CHD5: variants seen among roughly 807,000 people sequenced by gnomAD.
CHD5 encodes chromodomain helicase DNA binding protein 5.
Under a neutral mutation model 230.3 loss-of-function variants are expected in CHD5, and 69 were observed. The observed-to-expected ratio is 0.30, with a 90% CI of 0.25 to 0.37. CHD5 has a LOEUF of 0.37. CHD5 is among the 10% of genes least tolerant of loss of function. The pLI is 1.00. For synonymous variants in CHD5, 1,064 were observed against 1,065.9 expected (o/e 1.00, Z 0.03); for missense variants, 1,827 against 2,622.8 (o/e 0.70, Z 6.63).
chr1:6,124,115 G>A lies in CHD5; in HGVS notation c.4540-8C>T, dbSNP rs1571145533. 1 of 1,611,276 alleles carries A rather than the reference G, an allele frequency of 6.2e-7. No homozygotes were observed. Among genetic ancestry groups the A allele is most frequent in the Non-Finnish European group, 8.5e-7 (1 of 1,178,954 alleles). ...ATGCTCAAACTCCTGAACCTGGGGT[G>A]GTGGGAGGGAAGGTGGAAGGGAAAG... On this transcript the variant is annotated splice_polypyrimidine_tract_variant and splice_region_variant and intron_variant, in intron 30 of 41. Coordinates refer to ENST00000262450, the MANE Select transcript of CHD5 (RefSeq NM_015557.3).
chr1:6,180,244 T>G lies in CHD5; in HGVS notation c.-221A>C. On this transcript the variant is annotated 5_prime_UTR_variant, in exon 1 of 42. Coordinates refer to ENST00000262450, the MANE Select transcript of CHD5 (RefSeq NM_015557.3). ...CCTGCTCCCCGCAAAGCCCGGGCGC[T>G]CCTCCCACCGCGCCCCGCAGCCCGA... 1 of 142,564 alleles carries G rather than the reference T, an allele frequency of 7.0e-6. No individual in the cohort carries two copies. Among genetic ancestry groups the G allele is most frequent in the Non-Finnish European group, 1.4e-5 (1 of 71,594 alleles). The allele number at this position is 142,564 out of a possible 1,614,324, so 8.8% of individuals were successfully genotyped here.
intron 6 of CHD5, 59 bp from the exon 7 acceptor site, chr1:6,151,214 C>A: frequency 1.3e-6 from 2 of 1,541,536 alleles, no homozygotes; most frequent in South Asian, 1.3e-5. Context: ...CTTCGCTGGC[C>A]CAGGCAGTGT....
Position 6,144,153 on chromosome 1 carries a change from A to G in CHD5, c.1805T>C (p.Phe602Ser). 1.9e-6 allele frequency: 3 copies of G among 1,614,182 alleles called. No individual in the cohort carries two copies. The highest frequency in any genetic ancestry group is 1.7e-6 in the Non-Finnish European group (2 of 1,180,032). ...GTAGTGCACATCCCCCTTCTTGTCA[A>G]AGCTGCAACACGGTGAACAGATGTG... Reference protein sequence around the residue: ...MMIHRILNHSFDKKGDVHYLI... With the variant: ...MMIHRILNHSSDKKGDVHYLI... The change falls in exon 12 of 42, where the codon TTT (phenylalanine) becomes TCT (serine). Residue 602 changes from phenylalanine (F) to serine (S), a missense_variant and splice_region_variant. Phe to Ser is a radical substitution (Grantham distance 155). Around this residue, in one of 14 missense-constraint regions of CHD5, gnomAD observed 657 missense variants for 816.4 expected, o/e 0.80. Coordinates refer to ENST00000262450, the MANE Select transcript of CHD5 (RefSeq NM_015557.3).
rs190439319 is a variant in CHD5, at chr1:6,160,707, T to C, written c.208-1192A>G. Among the ~76,000 whole-genome samples, 435 of 152,350 alleles carry C rather than the reference T, an allele frequency of 2.9e-3. 4 individuals are homozygous for C. The highest frequency in any genetic ancestry group is 0.01 in the African/African-American group (417 of 41,588). On this transcript the variant is annotated intron_variant, in intron 2 of 41. Coordinates refer to ENST00000262450, the MANE Select transcript of CHD5 (RefSeq NM_015557.3). ...CCCACCTTCCCCCTCTCCCACCCCA[T>C]CCTGGCCGCTTCCTCTCCATATGAG...
At chr1:6,119,507 C>G (rs1486300504) in intron 33 of CHD5, among the ~76,000 whole-genome samples, 1 of 152,142 alleles carries the variant, frequency 6.6e-6, no homozygotes, top group African/African-American at 2.4e-5. Context: ...CAAATATGCA[C>G]CTGACAACCC....
chr1:6,110,546 G>C lies in CHD5; in HGVS notation c.5250-20C>G. The C allele has an allele frequency of 6.2e-7, 1 of 1,612,630 alleles. No homozygotes were observed. Among genetic ancestry groups the C allele is most frequent in the Non-Finnish European group, 8.5e-7 (1 of 1,179,684 alleles). On this transcript the variant is annotated intron_variant, in intron 36 of 41. Coordinates refer to ENST00000262450, the MANE Select transcript of CHD5 (RefSeq NM_015557.3). ...CCGTGCCTGGGTGGGGCACCATTAAGGGCAAACCTGGCCGTTAGAAGTGGT... is the reference window on the plus strand; with the variant it reads ...CCGTGCCTGGGTGGGGCACCATTAACGGCAAACCTGGCCGTTAGAAGTGGT...
intron 3 of CHD5, among the ~76,000 whole-genome samples, chr1:6,157,095 C>T (rs760718556): frequency 6.6e-6 from 1 of 152,216 alleles, no homozygotes; most frequent in South Asian, 2.1e-4. Flanking sequence ...TAGCACCCAA[C>T]CCACCCTTCT....
At chr1:6,108,663 A>AATGGAAGGATGGAAGG (rs1475637642) in intron 38 of CHD5, among the ~76,000 whole-genome samples, 1 of 103,996 alleles carries the variant, frequency 9.6e-6, no homozygotes, top group Non-Finnish European at 2.0e-5. Context: ...ATGGAGGGAT[A>AATGGAAGGATGGAAGG]ATGGAAGGAT....
At chr1:6,140,744 A>G (rs1182956035) in intron 15 of CHD5, among the ~76,000 whole-genome samples, 1 of 152,076 alleles carries the variant, frequency 6.6e-6, no homozygotes, top group East Asian at 1.9e-4. Context: ...CAATGCCTAT[A>G]ATCCCCATGC....
At chr1:6,173,483 G>A (rs1667371213) in intron 1 of CHD5, among the ~76,000 whole-genome samples, 1 of 152,048 alleles carries the variant, frequency 6.6e-6, no homozygotes, top group Non-Finnish European at 1.5e-5. Flanking sequence ...AGGTCAGGAG[G>A]AGGGAGCAAC....
chr1:6,107,233 GAGGGATGGAGGGATAATGA>G (rs1666196040), intron 38 of CHD5, among the ~76,000 whole-genome samples: 2 of 145,122 alleles, frequency 1.4e-5, no homozygotes, highest in African/African-American at 2.6e-5. Flanking sequence ...AGGGATGATG[GAGGGATGGAGGGATAATGA>G]AGGGATGATG....
intron 2 of CHD5, among the ~76,000 whole-genome samples, chr1:6,163,091 G>A (rs114547231): frequency 1.6e-3 from 249 of 152,302 alleles, no homozygotes; most frequent in Non-Finnish European, 2.9e-3. Context: ...GACAGGGCTC[G>A]CCCAGCGTCC....
intron 7 of CHD5, among the ~76,000 whole-genome samples, chr1:6,150,000 AATGGATGG>A (rs58706054): frequency 0.33 from 47,103 of 144,472 alleles, 9,106 homozygotes; most frequent in East Asian, 0.63. Flanking sequence ...TGGATGGACA[AATGGATGG>A]ATGGATGGAT....
chr1:6,128,783 G>T lies in CHD5; in HGVS notation c.3619+55C>A. 1 of 1,489,328 alleles carries T rather than the reference G, an allele frequency of 6.7e-7. No individual in the cohort carries two copies. Among genetic ancestry groups the T allele is most frequent in the Non-Finnish European group, 9.3e-7 (1 of 1,074,582 alleles). 92.3% of individuals were successfully genotyped at this position (1,489,328 alleles called of 1,614,324 possible). A position where few individuals can be genotyped will look rare whatever the true frequency, so the allele number is the denominator to read the frequency against. ...GGACCCAAGCAAGCCCTGGATGGGTGTCTCAGCCGGGCCACCCCAGTCCCC... is the reference window on the plus strand; with the variant it reads ...GGACCCAAGCAAGCCCTGGATGGGTTTCTCAGCCGGGCCACCCCAGTCCCC... On this transcript the variant is annotated intron_variant, in intron 23 of 41. Transcript: ENST00000262450. This position sits in a 1 kb window ranked among gnomAD's most constrained non-coding sequence, Gnocchi z 7.8.
rs1667021905 is a variant in CHD5, at chr1:6,152,476, T to C, written c.806A>G (p.Lys269Arg). 6.2e-7 allele frequency: 1 copy of C among 1,614,072 alleles called. No individual in the cohort carries two copies. Among genetic ancestry groups the C allele is most frequent in the East Asian group, 2.2e-5 (1 of 44,894 alleles). ...SKDGKKKGKG[K>R]KTAGLKFRFG... ...GCGGAACTTGAGCCCGGCCGTCTTTTTCCCTTTGCCCTTTTTCTTCCCATC... is the reference window on the plus strand; with the variant it reads ...GCGGAACTTGAGCCCGGCCGTCTTTCTCCCTTTGCCCTTTTTCTTCCCATC... The change falls in exon 6 of 42, where the codon AAA becomes AGA. Residue 269 changes from lysine (K) to arginine (R), a missense_variant. Lys to Arg is a conservative substitution (Grantham distance 26). Coordinates refer to ENST00000262450, the MANE Select transcript of CHD5 (RefSeq NM_015557.3).
intron 15 of CHD5, 82 bp from the exon 16 acceptor site, chr1:6,136,947 A>G: frequency 7.0e-7 from 1 of 1,429,052 alleles, no homozygotes; most frequent in Non-Finnish European, 9.4e-7. Flanking sequence ...GCCAAGAAGG[A>G]GGTGTGCACA....
In CHD5 at chr1:6,146,751, G is replaced by C; in HGVS notation, c.1504C>G (p.Pro502Ala). Residue 502 changes from proline to alanine, a missense_variant, in exon 10 of 42, where the codon CCC becomes GCC. Physicochemically the swap from Pro to Ala is conservative, Grantham distance 27 (BLOSUM62 -1). Around this residue, in one of 14 missense-constraint regions of CHD5, gnomAD observed 657 missense variants for 816.4 expected, o/e 0.80. Transcript: ENST00000262450. The surrounding 1 kb of genome is among the most constrained non-coding windows in gnomAD (Gnocchi z 5.1). ...TCTCTCTCAGGGATGCCCTCCAGGG[G>C]CTTAGGTGGAGGGAGGCTGGGCTCC... Reference protein sequence around the residue: ...DVEPSLPPPKPLEGIPEREFF... With the variant: ...DVEPSLPPPKALEGIPEREFF... 6 of 1,610,618 alleles carry C rather than the reference G, an allele frequency of 3.7e-6. No homozygotes were observed. Among genetic ancestry groups the C allele is most frequent in the Non-Finnish European group, 5.1e-6 (6 of 1,178,020 alleles).
chr1:6,114,084 C>T (rs1666337583), intron 33 of CHD5, among the ~76,000 whole-genome samples: 1 of 152,142 alleles, frequency 6.6e-6, no homozygotes, highest in Non-Finnish European at 1.5e-5. Flanking sequence ...CCCGTCTCTA[C>T]CAAAAATATT....
chr1:6,115,480 G>A (rs1413153374), intron 33 of CHD5, among the ~76,000 whole-genome samples: 1 of 152,104 alleles, frequency 6.6e-6, no homozygotes, highest in Non-Finnish European at 1.5e-5. Context: ...CTGACCACAC[G>A]AGCCCTTTTC....
Sources: allele counts gnomAD v4.1 joint callset (sites outside exome capture counted in the v4.1 genomes callset), GRCh38; gene constraint gnomAD v4.1.1; regional missense constraint gnomAD v4.1.1; non-coding constraint Gnocchi (gnomAD v3.1); transcripts MANE v1.5; gene names NCBI Gene and HGNC (gene_info 2026-07-23, HGNC 2026-07-21).